The following CCDC178 variants were observed in gnomAD, a reference collection of about 807,000 sequenced individuals.
CCDC178 encodes the protein coiled-coil domain containing 178, also known as coiled-coil domain-containing protein 178.
Under a neutral mutation model 117.4 loss-of-function variants are expected in CCDC178, and 126 were observed. The observed-to-expected ratio is 1.07, with a 90% confidence interval of 0.93 to 1.24. The LOEUF is 1.24. Among genes scored for constraint, CCDC178 ranks in the 50% most tolerant of loss-of-function variants. CCDC178 has a pLI of 0.00. For missense variants in CCDC178, 1,030 were observed against 986.9 expected, an observed-to-expected ratio of 1.04 and a Z score of -0.59; for synonymous variants, 283 against 313.4, an observed-to-expected ratio of 0.90 and a Z score of 1.02.
intron 21 of CCDC178, among the ~76,000 whole-genome samples, chr18:33,074,821 G>A (rs2057176765): frequency 6.6e-6 from 1 of 152,194 alleles, no homozygotes; most frequent in African/African-American, 2.4e-5. Context: ...GATGAAAACT[G>A]CAAATGTAGA....
chr18:33,176,347 A>G (rs146596894), intron 20 of CCDC178, among the ~76,000 whole-genome samples: 2 of 152,206 alleles, frequency 1.3e-5, no homozygotes, highest in East Asian at 3.9e-4. Flanking sequence ...CAACCCCAAA[A>G]TGTCCCACTT....
intron 6 of CCDC178, among the ~76,000 whole-genome samples, chr18:33,358,357 A>T (rs1420029876): frequency 6.6e-6 from 1 of 151,954 alleles, no homozygotes; most frequent in African/African-American, 2.4e-5. Flanking sequence ...AAGAACTCTA[A>T]AAAGGTAAAA....
At chr18:33,358,346 G>A (rs8098172) in intron 6 of CCDC178, among the ~76,000 whole-genome samples, 5 of 151,548 alleles carry the variant, frequency 3.3e-5, no homozygotes, top group South Asian at 2.1e-4. Flanking sequence ...AAGAATACCC[G>A]AAGAACTCTA....
In CCDC178 at chr18:33,249,101, T is replaced by G. The variant is rs1379600235; in HGVS notation, c.1410-3673A>C. ...TGTCTGTTCATATCCTTCACCCACT[T>G]TTTGATGGGGTTCTTTGTTTTTCTC... On this transcript the variant is annotated intron_variant, in intron 14 of 22. Coordinates refer to ENST00000383096, the MANE Select transcript of CCDC178 (RefSeq NM_001105528.4). Among the ~76,000 whole-genome samples, 4 of 152,126 alleles carry G rather than the reference T, an allele frequency of 2.6e-5. No homozygotes were observed. In the East Asian group the frequency reaches 7.7e-4, roughly 29 times the overall value.
intron 20 of CCDC178, among the ~76,000 whole-genome samples, chr18:33,096,775 G>C (rs1026389397): frequency 2.0e-5 from 3 of 151,956 alleles, no homozygotes; most frequent in Non-Finnish European, 4.4e-5. Flanking sequence ...TTCCACTCTA[G>C]TATTAGTTAT....
chr18:33,085,281 GGGCCGGGTACGGT>G (rs2057363267), intron 21 of CCDC178, among the ~76,000 whole-genome samples: 1 of 152,112 alleles, frequency 6.6e-6, no homozygotes, highest in African/African-American at 2.4e-5. Flanking sequence ...CGTATTTTTG[GGGCCGGGTACGGT>G]GGCTCACGCC....
At chr18:33,043,484 A>C (rs1235947284) in intron 21 of CCDC178, among the ~76,000 whole-genome samples, 1 of 152,102 alleles carries the variant, frequency 6.6e-6, no homozygotes, top group Non-Finnish European at 1.5e-5. Flanking sequence ...CTTCTGAAAA[A>C]GGCACTTACA....
At chr18:33,158,760 G>T (rs565828295) in intron 20 of CCDC178, among the ~76,000 whole-genome samples, 23 of 152,172 alleles carry the variant, frequency 1.5e-4, no homozygotes, top group African/African-American at 5.3e-4. Context: ...GTTATGACAA[G>T]CCAATTTTCT....
chr18:33,394,967 ATATATATATATATATATATATG>A (rs1343336140), intron 4 of CCDC178, among the ~76,000 whole-genome samples: 3 of 134,170 alleles, frequency 2.2e-5, no homozygotes, highest in African/African-American at 8.1e-5. Flanking sequence ...ATATATATAT[ATATATATATATATATATATATG>A]TATACATATA....
intron 21 of CCDC178, among the ~76,000 whole-genome samples, chr18:33,090,973 A>G (rs866222630): frequency 1.3e-5 from 2 of 152,188 alleles, no homozygotes; most frequent in Non-Finnish European, 2.9e-5. Context: ...CTTAAAAAGC[A>G]TGGGGTCTCC....
intron 20 of CCDC178, among the ~76,000 whole-genome samples, chr18:33,185,788 G>T (rs1360456489): frequency 2.0e-5 from 3 of 151,948 alleles, no homozygotes; most frequent in Admixed American, 6.6e-5. Context: ...TTGTATGAAG[G>T]TTAAAGAAGA....
chr18:33,045,723 GA>G (rs2056629927), intron 21 of CCDC178, among the ~76,000 whole-genome samples: 1 of 152,096 alleles, frequency 6.6e-6, no homozygotes, highest in East Asian at 1.9e-4. Flanking sequence ...TTACAAAGCC[GA>G]AGCATTGCAG....
intron 20 of CCDC178, among the ~76,000 whole-genome samples, chr18:33,195,524 C>T (rs2058920391): frequency 6.6e-6 from 1 of 152,142 alleles, no homozygotes; most frequent in African/African-American, 2.4e-5. Flanking sequence ...CAGCTCTTTT[C>T]TTGCCAAGCC....
intron 20 of CCDC178, among the ~76,000 whole-genome samples, chr18:33,138,665 C>A (rs761374561): frequency 1.7e-4 from 26 of 152,142 alleles, no homozygotes; most frequent in Non-Finnish European, 4.4e-5. Context: ...TATTTCATTT[C>A]ATTCATAATT....
chr18:33,083,178 G>C (rs2145040026), intron 21 of CCDC178, among the ~76,000 whole-genome samples: 1 of 152,266 alleles, frequency 6.6e-6, no homozygotes, highest in South Asian at 2.1e-4. Flanking sequence ...TTACAGATCA[G>C]GAACCACAGG....
intron 20 of CCDC178, among the ~76,000 whole-genome samples, chr18:33,193,336 A>G (rs944647772): frequency 6.8e-6 from 1 of 147,784 alleles, no homozygotes; most frequent in African/African-American, 2.4e-5. Context: ...TTGAGGGGGC[A>G]GCCATTGAGC....
intron 5 of CCDC178, 119 bp from the exon 6 acceptor site, chr18:33,370,308 A>T (rs2063280336): frequency 2.1e-6 from 1 of 476,120 alleles, no homozygotes; most frequent in African/African-American, 2.0e-5. Context: ...TCCTTAATAG[A>T]GAGGCTGAGA....
chr18:33,384,222 C>A (rs1388992720), intron 5 of CCDC178, among the ~76,000 whole-genome samples: 1 of 151,964 alleles, frequency 6.6e-6, no homozygotes, highest in Non-Finnish European at 1.5e-5. Flanking sequence ...TGTAAAGAGA[C>A]CAAATCTATG....
At chr18:33,353,519 T>C (rs1412645546) in intron 7 of CCDC178, among the ~76,000 whole-genome samples, 1 of 152,108 alleles carries the variant, frequency 6.6e-6, no homozygotes, top group Non-Finnish European at 1.5e-5. Context: ...TTTTTCTATA[T>C]ATTGTTTAGT....
Sources: gnomAD v4.1 joint callset for allele counts (sites outside exome capture counted in the v4.1 genomes callset) on GRCh38, gnomAD v4.1.1 for gene constraint, MANE v1.5 for transcripts, NCBI Gene and HGNC (gene_info 2026-07-23, HGNC 2026-07-21) for gene names.